USH2A: variants seen among roughly 807,000 people sequenced by gnomAD.
The protein encoded by USH2A is usherin, also known as Usher syndrome 2A (autosomal recessive, mild).
In USH2A, 443 loss-of-function variants were observed where a neutral mutation model predicts 538.9. The ratio of observed to expected loss-of-function variants is 0.82; its 90% CI spans 0.76 to 0.89. The LOEUF is 0.89. USH2A is among the 40% of genes least tolerant of loss of function. USH2A has a pLI of 0.00. For synonymous variants in USH2A, 2,413 were observed against 2,273.5 expected (o/e 1.06, Z -1.75); for missense variants, 6,633 against 6,324.8 (o/e 1.05, Z -1.65).
At chr1:216,318,693 A>T (rs149766257) in intron 9 of USH2A, among the ~76,000 whole-genome samples, 70 of 152,280 alleles carry the variant, frequency 4.6e-4, no homozygotes, top group African/African-American at 1.6e-3. Flanking sequence ...TAACAAAAAA[A>T]GTTTAGTTTT....
chr1:216,003,360 A>G (rs1668311704), intron 32 of USH2A, among the ~76,000 whole-genome samples: 1 of 152,172 alleles, frequency 6.6e-6, no homozygotes, highest in African/African-American at 2.4e-5. Context: ...TGAATGTGTA[A>G]CGGAGTTTAA....
intron 44 of USH2A, 85 bp downstream of exon 44, chr1:215,866,922 G>C: frequency 1.3e-6 from 2 of 1,571,708 alleles, no homozygotes; most frequent in Non-Finnish European, 8.7e-7. Context: ...AAAATGATGT[G>C]TACATGGGGG....
chr1:215,874,228 C>T (rs115569372), intron 43 of USH2A, among the ~76,000 whole-genome samples: 1,618 of 152,228 alleles, frequency 0.011, 28 homozygotes, highest in African/African-American at 0.037. Flanking sequence ...TTATAGTTCC[C>T]CCAACAACCA....
At chr1:215,955,007 C>T (rs1005328570) in intron 37 of USH2A, among the ~76,000 whole-genome samples, 5 of 152,180 alleles carry the variant, frequency 3.3e-5, no homozygotes, top group Admixed American at 2.0e-4. Flanking sequence ...TTACAGTTAC[C>T]CTAAATGTCA....
At chr1:216,013,077 C>G (rs1315941726) in intron 32 of USH2A, among the ~76,000 whole-genome samples, 4 of 152,140 alleles carry the variant, frequency 2.6e-5, no homozygotes, top group African/African-American at 4.8e-5. Context: ...TCTTTGCTGG[C>G]AGGACTATGC....
intron 32 of USH2A, among the ~76,000 whole-genome samples, chr1:216,043,949 C>T (rs2030407436): frequency 6.6e-6 from 1 of 152,052 alleles, no homozygotes; most frequent in African/African-American, 2.4e-5. Context: ...CTACCCTAAT[C>T]CTATCCTCCA....
At chr1:216,374,337 T>C (rs568500154) in intron 3 of USH2A, among the ~76,000 whole-genome samples, 36 of 151,972 alleles carry the variant, frequency 2.4e-4, no homozygotes, top group African/African-American at 8.4e-4. Flanking sequence ...CTGATCTTAA[T>C]ACTGTTAAAG....
intron 9 of USH2A, among the ~76,000 whole-genome samples, chr1:216,309,564 ATTCC>A (rs1265967072): frequency 6.6e-6 from 1 of 151,582 alleles, no homozygotes; most frequent in African/African-American, 2.4e-5. Flanking sequence ...TGTTGTTTTT[ATTCC>A]TTCCTAATAC....
At chr1:216,393,842 T>C (rs1029885239) in intron 3 of USH2A, among the ~76,000 whole-genome samples, 2 of 152,118 alleles carry the variant, frequency 1.3e-5, no homozygotes, top group African/African-American at 4.8e-5. Flanking sequence ...AATGACACTG[T>C]TAAAATATTG....
chr1:215,767,866 C>G (rs1329803869), intron 55 of USH2A, among the ~76,000 whole-genome samples: 2 of 152,146 alleles, frequency 1.3e-5, no homozygotes. Context: ...ACATCTCTCT[C>G]TTGACTCTTG....
intron 5 of USH2A, among the ~76,000 whole-genome samples, 188 bp from the exon 6 acceptor site, chr1:216,325,787 A>C (rs1247626672): frequency 6.6e-6 from 1 of 152,214 alleles, no homozygotes; most frequent in African/African-American, 2.4e-5. Flanking sequence ...TTATCATAAA[A>C]TGTATATCAA....
chr1:215,951,913 G>A (rs562980834), intron 37 of USH2A, among the ~76,000 whole-genome samples: 31 of 150,850 alleles, frequency 2.1e-4, no homozygotes, highest in South Asian at 4.2e-4. Flanking sequence ...GCTGGACTGC[G>A]GACTGCAGTG....
intron 46 of USH2A, among the ~76,000 whole-genome samples, chr1:215,843,111 A>G (rs1242920791): frequency 9.9e-5 from 15 of 152,190 alleles, no homozygotes; most frequent in Admixed American, 9.8e-4. Context: ...TTGTAGCCAG[A>G]TGATTATATG....
intron 9 of USH2A, among the ~76,000 whole-genome samples, chr1:216,305,007 G>A (rs1276508029): frequency 1.3e-5 from 2 of 151,994 alleles, no homozygotes; most frequent in East Asian, 1.9e-4. Flanking sequence ...TGGGTAGAAT[G>A]TTCTGTAAAT....
chr1:216,100,431 C>A (rs2032550512), intron 21 of USH2A, among the ~76,000 whole-genome samples: 1 of 150,640 alleles, frequency 6.6e-6, no homozygotes, highest in South Asian at 2.1e-4. Context: ...CAACTCTTTT[C>A]TTCTCTTAAG....
chr1:216,362,425 G>T (rs1190383795), intron 4 of USH2A, among the ~76,000 whole-genome samples: 1 of 152,070 alleles, frequency 6.6e-6, no homozygotes, highest in Non-Finnish European at 1.5e-5. Context: ...TGAAAAAAAA[G>T]TGGATAATTT....
rs1373081619 is a variant in USH2A at position 215,889,049 on chromosome 1, C to T, written c.7600G>A (p.Gly2534Arg). ...IPFMTAEDKP[G>R]PVVPPILLDV... ...AGAAGAATCGGAGGAACTACAGGTC[C>T]AGGTTCTGTAAAGTAAAATAAATCC... Residue 2534 changes from glycine (G) to arginine (R), a missense_variant, in exon 41 of 72, where the codon GGA (glycine) becomes AGA (arginine). Transcript: ENST00000307340. 6.2e-7 allele frequency: 1 copy of T among 1,613,548 alleles called. No individual in the cohort carries two copies. The highest frequency in any genetic ancestry group is 8.5e-7 in the Non-Finnish European group (1 of 1,180,008).
In USH2A at chr1:216,009,483, C is replaced by T. The variant is rs150497971; in HGVS notation, c.6326-8921G>A. Among the ~76,000 whole-genome samples, 134 of 152,186 alleles carry T rather than the reference C, an allele frequency of 8.8e-4. 2 individuals are homozygous for T. The highest frequency in any genetic ancestry group is 2.9e-3 in the African/African-American group (122 of 41,484). On this transcript the variant is annotated intron_variant, in intron 32 of 71. Transcript: ENST00000307340. ...TAATTCTTGTCATAAAATAGGCAAA[C>T]GGTCTGAGGTGCCTGACGTCTAGGC...
At chr1:215,837,935 A>G (rs1290773861) in intron 47 of USH2A, 56 bp downstream of exon 47, 36 of 1,381,010 alleles carry the variant, frequency 2.6e-5, no homozygotes, top group Non-Finnish European at 3.5e-5. Context: ...TTTGATTTTT[A>G]TTTTCATTTC....
Sources: allele counts gnomAD v4.1 joint callset (sites outside exome capture counted in the v4.1 genomes callset), GRCh38; gene constraint gnomAD v4.1.1; transcripts MANE v1.5; gene names NCBI Gene and HGNC (gene_info 2026-07-23, HGNC 2026-07-21).